Variants in TXLNB observed in about 807,000 individuals in gnomAD.
The protein encoded by TXLNB is beta-taxilin.
Under a neutral mutation model 57.4 loss-of-function variants are expected in TXLNB, and 37 were observed. That is an observed-to-expected ratio of 0.64 (90% CI 0.50 to 0.85). The LOEUF (loss-of-function observed/expected upper bound fraction) is 0.85, where lower values mean the gene tolerates loss of function less well. TXLNB is among the 40% of genes least tolerant of loss of function. The pLI, the probability that TXLNB is intolerant of heterozygous loss-of-function variation, is 0.00. For synonymous variants in TXLNB, 302 were observed against 309.6 expected (o/e 0.98, Z 0.26); for missense variants, 848 against 825.6 (o/e 1.03, Z -0.33).
chr6:139,294,196 G>C (rs2114660514), upstream of TXLNB, among the ~76,000 whole-genome samples: 1 of 152,208 alleles, frequency 6.6e-6, no homozygotes, highest in East Asian at 1.9e-4. Context: ...ACTTTTATGT[G>C]ACAGATATTG....
At chr6:139,318,391 G>A in the TXLNB span, among the ~76,000 whole-genome samples, 4 of 151,704 alleles carry the variant, frequency 2.6e-5, no homozygotes, top group African/African-American at 4.8e-5. Context: ...TAATTCTTAC[G>A]TATGTGTAAT....
chr6:139,227,466 C>T, the TXLNB span, among the ~76,000 whole-genome samples: 5 of 152,076 alleles, frequency 3.3e-5, no homozygotes, highest in Non-Finnish European at 5.9e-5. Flanking sequence ...AACACTCATA[C>T]ACTGGTAGTT....
intron 6 of TXLNB, among the ~76,000 whole-genome samples, chr6:139,256,134 G>A (rs1776331140): frequency 6.6e-6 from 1 of 151,998 alleles, no homozygotes; most frequent in African/African-American, 2.4e-5. Flanking sequence ...AAAAAAGTTG[G>A]ATTCTCAACT....
chr6:139,252,385 T>C (rs1187361771), intron 7 of TXLNB, among the ~76,000 whole-genome samples: 3 of 152,266 alleles, frequency 2.0e-5, no homozygotes, highest in East Asian at 1.9e-4. Flanking sequence ...ATAATGTTGA[T>C]ACTTTTTAAT....
At chr6:139,260,284 A>G (rs1239223940) in intron 6 of TXLNB, 34 bp downstream of exon 6, 1 of 1,611,584 alleles carries the variant, frequency 6.2e-7, no homozygotes, top group Non-Finnish European at 8.5e-7. Context: ...ACTGAGGTAG[A>G]CCAGATATGC....
intron 2 of TXLNB, chr6:139,286,901 C>A: frequency 6.0e-6 from 1 of 165,572 alleles, no homozygotes; most frequent in Non-Finnish European, 1.3e-5. Flanking sequence ...TTCTACATTA[C>A]GGTGAGTTGT....
the TXLNB span, among the ~76,000 whole-genome samples, chr6:139,204,817 G>A: frequency 2.0e-5 from 3 of 152,146 alleles, no homozygotes; most frequent in East Asian, 5.8e-4. Flanking sequence ...ATGGGAGCTG[G>A]GTGAGGCCTA....
the TXLNB span, among the ~76,000 whole-genome samples, chr6:139,298,830 G>T: frequency 2.0e-5 from 3 of 152,162 alleles, no homozygotes. Flanking sequence ...TCTCATGAAT[G>T]GCTAGGTGCG....
chr6:139,321,154 C>T, the TXLNB span, among the ~76,000 whole-genome samples: 765 of 152,112 alleles, frequency 5.0e-3, 1 homozygote, highest in African/African-American at 8.3e-3. Flanking sequence ...CCCGGGGTTC[C>T]GTCACTGGAC....
At chr6:139,223,166 T>C in the TXLNB span, among the ~76,000 whole-genome samples, 1 of 152,152 alleles carries the variant, frequency 6.6e-6, no homozygotes, top group Non-Finnish European at 1.5e-5. Flanking sequence ...AAGATAAAAG[T>C]AGAAAATGTC....
intron 2 of TXLNB, among the ~76,000 whole-genome samples, chr6:139,281,660 TGCCTCA>T (rs1777055270): frequency 9.5e-6 from 1 of 105,072 alleles, no homozygotes; most frequent in Admixed American, 8.7e-5. Flanking sequence ...GCCATTCTCC[TGCCTCA>T]GCCTCCCGAG....
the TXLNB span, among the ~76,000 whole-genome samples, chr6:139,199,545 A>G: frequency 6.6e-6 from 1 of 152,290 alleles, no homozygotes; most frequent in Non-Finnish European, 1.5e-5. Context: ...AAGGAGAAGA[A>G]CTCACTGCTA....
At chr6:139,250,810 A>G (rs1372641548) in intron 7 of TXLNB, among the ~76,000 whole-genome samples, 1 of 152,120 alleles carries the variant, frequency 6.6e-6, no homozygotes, top group Non-Finnish European at 1.5e-5. Flanking sequence ...TGGAATCAGC[A>G]AGAACAACCA....
chr6:139,181,686 A>G, the TXLNB span, among the ~76,000 whole-genome samples: 1 of 152,236 alleles, frequency 6.6e-6, no homozygotes, highest in Non-Finnish European at 1.5e-5. Context: ...GGTCTTGGAA[A>G]GGATCCCCTA....
intron 4 of TXLNB, among the ~76,000 whole-genome samples, chr6:139,265,797 T>C: frequency 6.6e-6 from 1 of 152,230 alleles, no homozygotes; most frequent in South Asian, 2.1e-4. Flanking sequence ...GAGGGAAATC[T>C]GCAGTTGGCA....
the TXLNB span, among the ~76,000 whole-genome samples, chr6:139,172,799 C>T: frequency 5.6e-4 from 86 of 152,310 alleles, no homozygotes; most frequent in African/African-American, 2.1e-3. Context: ...AGCCTCACTT[C>T]CTACTCTCAG....
chr6:139,278,218 CT>C (rs1430274936), intron 2 of TXLNB, among the ~76,000 whole-genome samples: 2 of 152,180 alleles, frequency 1.3e-5, no homozygotes, highest in Non-Finnish European at 2.9e-5. Context: ...AGAGAGAAGG[CT>C]TGAATCCAAG....
At chr6:139,185,415 G>T in the TXLNB span, among the ~76,000 whole-genome samples, 2 of 152,174 alleles carry the variant, frequency 1.3e-5, no homozygotes, top group African/African-American at 4.8e-5. Context: ...ACAGGATAGA[G>T]TTGTGGCCGG....
chr6:139,306,904 T>C, the TXLNB span, among the ~76,000 whole-genome samples: 1 of 152,196 alleles, frequency 6.6e-6, no homozygotes, highest in Admixed American at 6.5e-5. Flanking sequence ...TTGCTTTATG[T>C]TGTTGTTTCT....
Sources: allele counts gnomAD v4.1 joint callset (sites outside exome capture counted in the v4.1 genomes callset), GRCh38; gene constraint gnomAD v4.1.1; transcripts MANE v1.5; gene names NCBI Gene and HGNC (gene_info 2026-07-23, HGNC 2026-07-21).